The following PATJ variants were observed in gnomAD, a reference collection of about 807,000 sequenced individuals.
The protein encoded by PATJ is PATJ crumbs cell polarity complex component, also known as inaD-like protein.
A neutral mutation model predicts 224.9 loss-of-function variants in PATJ; 190 were observed. The observed-to-expected ratio is 0.84, with a 90% confidence interval of 0.75 to 0.95. The LOEUF (loss-of-function observed/expected upper bound fraction) is 0.95, where lower values mean the gene tolerates loss of function less well. Ranked by LOEUF, PATJ falls within the 40% of genes least tolerant of loss-of-function variation. The probability of loss-of-function intolerance (pLI) is 0.00; values close to 1 mark genes in which losing one functional copy is unlikely to be tolerated. For missense variants in PATJ, 2,121 were observed against 2,270.3 expected (o/e 0.93, Z 1.34); for synonymous variants, 769 against 820.3 (o/e 0.94, Z 1.07).
chr1:62,144,773 A>ATATATATATAT (rs1017771263), intron 41 of PATJ, among the ~76,000 whole-genome samples: 1 of 86,908 alleles, frequency 1.2e-5, no homozygotes, highest in African/African-American at 4.9e-5. Context: ...TTGCAAAAAA[A>ATATATATATAT]AAAAATATAT....
intron 41 of PATJ, among the ~76,000 whole-genome samples, chr1:62,143,631 G>A (rs941280814): frequency 2.6e-5 from 4 of 151,802 alleles, no homozygotes; most frequent in Admixed American, 6.6e-5. Context: ...TGTATATTTA[G>A]TAGAGACCAG....
intron 5 of PATJ, among the ~76,000 whole-genome samples, chr1:61,770,617 G>A (rs1414669967): frequency 6.6e-6 from 1 of 152,112 alleles, no homozygotes; most frequent in Non-Finnish European, 1.5e-5. Flanking sequence ...CTGGCTAGCA[G>A]TTGGGAGATT....
At chr1:62,020,989 C>A (rs1182642631) in intron 29 of PATJ, among the ~76,000 whole-genome samples, 1 of 151,684 alleles carries the variant, frequency 6.6e-6, no homozygotes, top group African/African-American at 2.4e-5. Flanking sequence ...CCAGGCCCGG[C>A]TAGTTTTTTT....
chr1:61,975,817 T>C (rs1208396608), intron 27 of PATJ, among the ~76,000 whole-genome samples: 1 of 152,034 alleles, frequency 6.6e-6, no homozygotes, highest in African/African-American at 2.4e-5. Flanking sequence ...GTGGATACCA[T>C]ACATCAGCCC....
intron 4 of PATJ, among the ~76,000 whole-genome samples, chr1:61,766,780 A>G (rs1257240748): frequency 6.6e-6 from 1 of 152,200 alleles, no homozygotes; most frequent in East Asian, 1.9e-4. Flanking sequence ...CTAATTGAAC[A>G]CATCTCTATT....
At position 61,775,324 on chromosome 1, in the gene PATJ, T is replaced by C. The variant is rs532758791; in HGVS notation, c.839T>C (p.Leu280Ser). Reference protein sequence around the residue: ...VVVRTIVPGGLADRDGRLQTG... With the variant: ...VVVRTIVPGGSADRDGRLQTG... The stretch of plus-strand genomic sequence containing the variant: ...GTGAGGACTATAGTTCCTGGAGGAT[T>C]AGCAGATCGAGTAAGTCAACCTTCC... The change falls in exon 7 of 44, where the codon TTA becomes TCA. Residue 280 changes from leucine (L) to serine (S), a missense_variant. Coordinates refer to ENST00000642238, the MANE Select transcript of PATJ (RefSeq NM_001350145.3). 7 of 1,609,548 alleles carry C rather than the reference T, an allele frequency of 4.3e-6. No individual in the cohort carries two copies. In the African/African-American group the frequency reaches 9.4e-5, roughly 22 times the overall value.
intron 38 of PATJ, among the ~76,000 whole-genome samples, chr1:62,121,537 G>A (rs983470711): frequency 3.3e-5 from 5 of 151,850 alleles, no homozygotes; most frequent in African/African-American, 9.7e-5. Context: ...CGGCTGTGGC[G>A]GGCGGATCAC....
At chr1:61,910,388 G>A (rs1346169008) in intron 25 of PATJ, among the ~76,000 whole-genome samples, 1 of 152,078 alleles carries the variant, frequency 6.6e-6, no homozygotes, top group Non-Finnish European at 1.5e-5. Context: ...TCCCTATGTA[G>A]TATAATAGAC....
rs567176368 is a variant in PATJ at position 62,104,043 on chromosome 1, A to T, written c.4378-4394A>T. On this transcript the variant is annotated intron_variant, in intron 33 of 43. Transcript: ENST00000642238. ...GGTTGATTAATGGACTGCTTTTGGAATAGATGAGTTTTAGAAATCACTGGT... is the reference window on the plus strand; with the variant it reads ...GGTTGATTAATGGACTGCTTTTGGATTAGATGAGTTTTAGAAATCACTGGT... Among the ~76,000 whole-genome samples, 5 of 151,546 alleles carry T rather than the reference A, an allele frequency of 3.3e-5. No individual in the cohort carries two copies. In the East Asian group the frequency reaches 9.8e-4, roughly 30 times the overall value.
intron 22 of PATJ, among the ~76,000 whole-genome samples, chr1:61,897,823 A>G (rs957525388): frequency 6.7e-6 from 1 of 149,104 alleles, no homozygotes; most frequent in Non-Finnish European, 1.5e-5. Flanking sequence ...AAAAGACGTT[A>G]GAAAGTAACC....
intron 4 of PATJ, among the ~76,000 whole-genome samples, chr1:61,767,906 C>T (rs549855702): frequency 1.3e-5 from 2 of 151,810 alleles, no homozygotes; most frequent in East Asian, 2.0e-4. Flanking sequence ...CTCCTGACCT[C>T]GTGATCCTCC....
intron 42 of PATJ, among the ~76,000 whole-genome samples, chr1:62,151,201 G>A (rs931410409): frequency 1.3e-5 from 2 of 152,104 alleles, no homozygotes; most frequent in Non-Finnish European, 1.5e-5. Flanking sequence ...AGCATAGATC[G>A]TCAGCAGTAA....
chr1:61,892,640 A>G (rs1359089198), intron 22 of PATJ, among the ~76,000 whole-genome samples: 1 of 152,180 alleles, frequency 6.6e-6, no homozygotes, highest in Admixed American at 6.6e-5. Context: ...TTTAAGAGGC[A>G]AAAGTTCAGT....
Position 61,805,494 on chromosome 1 carries a change from A to G in PATJ, c.1596A>G (p.Glu532=), listed in dbSNP as rs1653350199. The change falls in exon 13 of 44, where the codon GAA becomes GAG. Residue 532 remains glutamate (E), a synonymous_variant. Coordinates refer to ENST00000642238, the MANE Select transcript of PATJ (RefSeq NM_001350145.3). ...SPENELKSRW[E]NLLGPDYEVM... is the part of the protein sequence containing the mutation. ...AAAATGAGCTGAAATCCAGATGGGA[A>G]AACCTGTTGGGTCCTGATTATGAAG... is the stretch of plus-strand genomic sequence containing the variant. 1.9e-6 allele frequency: 3 copies of G among 1,606,316 alleles called. No homozygotes were observed. The East Asian group carries it at 6.7e-5, about 36-fold the overall frequency.
At chr1:62,128,668 T>C (rs1665968142) in intron 40 of PATJ, among the ~76,000 whole-genome samples, 173 bp from the exon 41 acceptor site, 1 of 152,218 alleles carries the variant, frequency 6.6e-6, no homozygotes, top group Non-Finnish European at 1.5e-5. Flanking sequence ...TGTCTGTATT[T>C]GGGGAAAGCC....
chr1:61,873,484 A>G (rs1035811468), intron 20 of PATJ, among the ~76,000 whole-genome samples: 6 of 152,234 alleles, frequency 3.9e-5, no homozygotes, highest in African/African-American at 1.4e-4. Context: ...ATTTTTTAAA[A>G]TATAAAAAGA....
rs546610971 is a variant in PATJ, at chr1:62,144,766, C to CAA, written c.5272-3507_5272-3506dup. Among the ~76,000 whole-genome samples, 192 of 116,514 alleles carry CAA rather than the reference C, an allele frequency of 1.6e-3. 7 individuals are homozygous for CAA. Among genetic ancestry groups the CAA allele is most frequent in the African/African-American group, 5.5e-3 (160 of 29,066 alleles). 76.4% of individuals were successfully genotyped at this position (116,514 alleles called of 152,430 possible). On this transcript the variant is annotated intron_variant, in intron 41 of 43. Coordinates refer to ENST00000642238, the MANE Select transcript of PATJ (RefSeq NM_001350145.3). ...TCTAAATGCTCTAGAATGTTATTTG[C>CAA]AAAAAAAAAAAATATATATATATAT...
At chr1:61,989,112 G>A (rs17122892) in intron 27 of PATJ, among the ~76,000 whole-genome samples, 9,744 of 152,200 alleles carry the variant, frequency 0.064, 744 homozygotes, top group East Asian at 0.39. Flanking sequence ...TGTCAGTGTG[G>A]TTTTGCTGCA....
chr1:62,061,936 G>A (rs1024591057), intron 31 of PATJ, among the ~76,000 whole-genome samples: 2 of 152,202 alleles, frequency 1.3e-5, no homozygotes, highest in African/African-American at 4.8e-5. Flanking sequence ...TGGGATTACA[G>A]GCGTGAGCCA....
Sources: gnomAD v4.1 joint callset for allele counts (sites outside exome capture counted in the v4.1 genomes callset) on GRCh38, gnomAD v4.1.1 for gene constraint, MANE v1.5 for transcripts, NCBI Gene and HGNC (gene_info 2026-07-23, HGNC 2026-07-21) for gene names.